Variants in MYO3B observed in about 807,000 individuals in gnomAD.
MYO3B encodes myosin IIIB.
MYO3B carries 156 observed loss-of-function variants against 174.6 expected under a neutral mutation model. The ratio of observed to expected loss-of-function variants is 0.89; its 90% confidence interval spans 0.78 to 1.02. The LOEUF (loss-of-function observed/expected upper bound fraction) is 1.02. Among genes scored for constraint, MYO3B ranks in the 50% least tolerant of loss-of-function variants. MYO3B has a pLI of 0.00. For synonymous variants in MYO3B, 563 were observed against 569.1 expected (o/e 0.99, Z 0.15); for missense variants, 1,632 against 1,639.4 (o/e 1.00, Z 0.08).
chr2:170,436,720 A>G (rs1558999444), intron 22 of MYO3B, among the ~76,000 whole-genome samples: 1 of 152,226 alleles, frequency 6.6e-6, no homozygotes, highest in Non-Finnish European at 1.5e-5. Context: ...GTTTGGGGGA[A>G]GAACAATCAG....
At chr2:170,613,488 C>G (rs1259051531) in intron 32 of MYO3B, among the ~76,000 whole-genome samples, 1 of 152,200 alleles carries the variant, frequency 6.6e-6, no homozygotes, top group Non-Finnish European at 1.5e-5. Flanking sequence ...CATATTAATG[C>G]AGATTGATGC....
rs115931193 is a variant in MYO3B at position 170,478,166 on chromosome 2, G to A, written c.3014+11455G>A. ...GACCTGGGTCCCGTGACCATTCCTA[G>A]CTTCAGGGAGAGGCTTAGAAAGTGG... On this transcript the variant is annotated intron_variant, in intron 25 of 34. Transcript: ENST00000408978. Among the ~76,000 whole-genome samples the A allele has an allele frequency of 3.6e-3, 547 of 152,198 alleles. 2 individuals are homozygous for A. The highest frequency in any genetic ancestry group is 0.013 in the African/African-American group (538 of 41,516).
intron 32 of MYO3B, among the ~76,000 whole-genome samples, chr2:170,628,226 C>T (rs376902560): frequency 6.6e-6 from 1 of 152,204 alleles, no homozygotes; most frequent in South Asian, 2.1e-4. Flanking sequence ...CTTTGTTTAC[C>T]TACTCAAGCC....
intron 32 of MYO3B, among the ~76,000 whole-genome samples, chr2:170,566,627 C>G (rs988304488): frequency 6.6e-6 from 1 of 152,022 alleles, no homozygotes; most frequent in African/African-American, 2.4e-5. Context: ...CTGATATCCC[C>G]ACTAAGTTTA....
chr2:170,275,947 A>G (rs1258910535), intron 7 of MYO3B, among the ~76,000 whole-genome samples: 1 of 152,222 alleles, frequency 6.6e-6, no homozygotes, highest in Non-Finnish European at 1.5e-5. Flanking sequence ...GTTTTTTAAA[A>G]GCAGAATTTT....
chr2:170,392,422 C>A lies in MYO3B; in HGVS notation c.1718C>A (p.Thr573Asn). The change falls in exon 16 of 35, where the codon ACT becomes AAT. Residue 573 changes from threonine to asparagine, a missense_variant. Thr to Asn is a moderately conservative substitution (Grantham distance 65, BLOSUM62 0). Transcript: ENST00000408978. ...ACTGGAAGGGTGATGCACGACATAACTTCCAAGGAGTCTTACAGAAGACAA... is the reference window on the plus strand; with the variant it reads ...ACTGGAAGGGTGATGCACGACATAAATTCCAAGGAGTCTTACAGAAGACAA... Reference protein sequence around the residue: ...DETGRVMHDITSKESYRRQFE... With the variant: ...DETGRVMHDINSKESYRRQFE... The A allele has an allele frequency of 6.2e-7, 1 of 1,601,642 alleles. No homozygotes were observed.
chr2:170,317,923 G>C (rs1348673675), intron 7 of MYO3B, among the ~76,000 whole-genome samples: 7 of 152,152 alleles, frequency 4.6e-5, no homozygotes, highest in Admixed American at 4.6e-4. Flanking sequence ...TGGGACTACT[G>C]ATTCATGGGA....
At chr2:170,312,911 G>A (rs147596866) in intron 7 of MYO3B, among the ~76,000 whole-genome samples, 1 of 152,180 alleles carries the variant, frequency 6.6e-6, no homozygotes, top group Non-Finnish European at 1.5e-5. Flanking sequence ...CTACATACCT[G>A]CAAATGTTTC....
chr2:170,455,524 C>T (rs1025567261), intron 23 of MYO3B, among the ~76,000 whole-genome samples: 4 of 152,286 alleles, frequency 2.6e-5, no homozygotes, highest in African/African-American at 9.6e-5. Flanking sequence ...TTAACTTCCT[C>T]ATATGTGGAA....
chr2:170,334,733 G>T (rs2093935483), intron 7 of MYO3B: 1 of 151,856 alleles, frequency 6.6e-6, no homozygotes, highest in Non-Finnish European at 1.5e-5. Flanking sequence ...TCACCAAGAG[G>T]TTGTCTGCTT....
chr2:170,307,312 T>A (rs1404164698), intron 7 of MYO3B, among the ~76,000 whole-genome samples: 1 of 151,974 alleles, frequency 6.6e-6, no homozygotes, highest in Non-Finnish European at 1.5e-5. Flanking sequence ...TAATATTATT[T>A]GCTTTTCTCT....
intron 23 of MYO3B, among the ~76,000 whole-genome samples, chr2:170,445,922 G>A (rs1227100186): frequency 1.3e-5 from 2 of 152,096 alleles, no homozygotes; most frequent in African/African-American, 4.8e-5. Flanking sequence ...GCAGGTGTGA[G>A]CCACCACATC....
Position 170,404,233 on chromosome 2 carries a change from C to T in MYO3B, c.2278-14C>T. On this transcript the variant is annotated splice_polypyrimidine_tract_variant and intron_variant, in intron 19 of 34. Transcript: ENST00000408978. ...GTTTTGGGCTGGAGAGAATCACAAT[C>T]CATTTCCCTCCAGATGGAATATCAG... 6.3e-7 allele frequency: 1 copy of T among 1,589,296 alleles called. No homozygotes were observed. The highest frequency in any genetic ancestry group is 1.2e-5 in the South Asian group (1 of 86,430).
At chr2:170,421,193 G>A (rs2094612380) in intron 22 of MYO3B, among the ~76,000 whole-genome samples, 1 of 152,154 alleles carries the variant, frequency 6.6e-6, no homozygotes, top group Admixed American at 6.5e-5. Flanking sequence ...GATTTATGGT[G>A]CTGGCAGGAA....
intron 20 of MYO3B, among the ~76,000 whole-genome samples, chr2:170,405,019 A>G (rs951423795): frequency 6.6e-6 from 1 of 152,234 alleles, no homozygotes; most frequent in Non-Finnish European, 1.5e-5. Context: ...ATGAAGCCTC[A>G]GTCTTTATGT....
chr2:170,378,226 A>G (rs4668252), intron 9 of MYO3B, among the ~76,000 whole-genome samples: 1 of 152,196 alleles, frequency 6.6e-6, no homozygotes, highest in African/African-American at 2.4e-5. Flanking sequence ...CTTTTTCTCT[A>G]CGATAGACCC....
At chr2:170,568,719 A>G (rs781599779) in intron 32 of MYO3B, among the ~76,000 whole-genome samples, 11 of 152,230 alleles carry the variant, frequency 7.2e-5, no homozygotes, top group South Asian at 4.1e-4. Context: ...CTCTTGAAAT[A>G]TAAGGATTAA....
chr2:170,406,253 T>C (rs1389153976), intron 21 of MYO3B, among the ~76,000 whole-genome samples: 1 of 148,672 alleles, frequency 6.7e-6, no homozygotes, highest in African/African-American at 2.6e-5. Flanking sequence ...GCCATTTGAA[T>C]TATGGCTGAT....
intron 28 of MYO3B, among the ~76,000 whole-genome samples, chr2:170,504,914 C>T (rs1320154877): frequency 6.6e-6 from 1 of 152,140 alleles, no homozygotes; most frequent in East Asian, 1.9e-4. Flanking sequence ...GACAGGGCTC[C>T]AGATTGGAAA....
Sources: gnomAD v4.1 joint callset for allele counts (sites outside exome capture counted in the v4.1 genomes callset) on GRCh38, gnomAD v4.1.1 for gene constraint, MANE v1.5 for transcripts, NCBI Gene and HGNC (gene_info 2026-07-23, HGNC 2026-07-21) for gene names.